PDE4D: variants seen among roughly 807,000 people sequenced by gnomAD.
PDE4D encodes the protein 3',5'-cyclic-AMP phosphodiesterase 4D.
PDE4D carries 24 observed loss-of-function variants against 87.4 expected under a neutral mutation model. The ratio of observed to expected loss-of-function variants is 0.27; its 90% confidence interval spans 0.20 to 0.39. PDE4D has a LOEUF of 0.39. Ranked by LOEUF, PDE4D falls within the 10% of genes least tolerant of loss-of-function variation. The probability of loss-of-function intolerance (pLI) is 1.00; values close to 1 mark genes in which losing one functional copy is unlikely to be tolerated. For synonymous variants in PDE4D, 384 were observed against 383.2 expected, an observed-to-expected ratio of 1.00 and a Z score of -0.02; for missense variants, 714 against 1,041.0, an observed-to-expected ratio of 0.69 and a Z score of 4.32.
chr5:59,325,348 G>A (rs7443333), intron 1 of PDE4D, among the ~76,000 whole-genome samples: 23,887 of 152,188 alleles, frequency 0.16, 2,477 homozygotes, highest in Admixed American at 0.22. Context: ...GAACAATGCA[G>A]TAGTATCTTT....
chr5:60,279,628 G>C (rs1334282828), intron 1 of PDE4D, among the ~76,000 whole-genome samples: 1 of 150,624 alleles, frequency 6.6e-6, no homozygotes, highest in Non-Finnish European at 1.5e-5. Context: ...GCATGCTTTT[G>C]TTAAGAATGT....
At chr5:59,720,084 T>C (rs1238992979) in intron 1 of PDE4D, among the ~76,000 whole-genome samples, 1 of 152,216 alleles carries the variant, frequency 6.6e-6, no homozygotes, top group Non-Finnish European at 1.5e-5. Context: ...CTGTCACACA[T>C]TCATTCATTT....
At chr5:59,940,502 A>G (rs1199326605) in intron 3 of PDE4D, among the ~76,000 whole-genome samples, 2 of 152,140 alleles carry the variant, frequency 1.3e-5, no homozygotes, top group Non-Finnish European at 2.9e-5. Context: ...GGTTTTCAAT[A>G]TGATGGGGTG....
chr5:59,847,870 A>G (rs1744094957), intron 1 of PDE4D, among the ~76,000 whole-genome samples: 1 of 152,108 alleles, frequency 6.6e-6, no homozygotes, highest in South Asian at 2.1e-4. Flanking sequence ...TACTATTTTG[A>G]GCTTCTCAGC....
intron 1 of PDE4D, among the ~76,000 whole-genome samples, chr5:59,539,364 A>G (rs1478191804): frequency 6.6e-6 from 1 of 152,156 alleles, no homozygotes; most frequent in Admixed American, 6.5e-5. Flanking sequence ...TCCCTGCAAT[A>G]CAGTTTCACC....
chr5:60,283,000 T>A lies in PDE4D; in HGVS notation c.-89-97313A>T, dbSNP rs145878073. On this transcript the variant is annotated intron_variant, in intron 1 of 16. Coordinates refer to the PDE4D transcript ENST00000502484. ...GAATGTATATTCTGCTGTTGTTGGG[T>A]GGAGTGTTCTAAAATGTTGATGCAG... 6.6e-3 allele frequency among the ~76,000 whole-genome samples: 1,009 copies of A among 152,272 alleles called. 7 individuals carry two copies. The highest frequency in any genetic ancestry group is 0.023 in the African/African-American group (973 of 41,550).
intron 2 of PDE4D, among the ~76,000 whole-genome samples, chr5:60,184,111 A>G (rs1329240658): frequency 2.0e-5 from 3 of 152,206 alleles, no homozygotes; most frequent in Non-Finnish European, 2.9e-5. Context: ...GAAGTCTCCT[A>G]GCATCATTAA....
chr5:60,377,040 C>T (rs77669488), intron 1 of PDE4D, among the ~76,000 whole-genome samples: 2,019 of 152,320 alleles, frequency 0.013, 27 homozygotes, highest in Non-Finnish European at 0.019. Context: ...AGGACAGTGT[C>T]TATTTTGTTA....
At chr5:60,406,083 A>G (rs1281985008) in intron 1 of PDE4D, among the ~76,000 whole-genome samples, 1 of 151,862 alleles carries the variant, frequency 6.6e-6, no homozygotes, top group African/African-American at 2.4e-5. Flanking sequence ...CATTCTCATC[A>G]TTGGAAAAAA....
intron 1 of PDE4D, among the ~76,000 whole-genome samples, chr5:59,730,165 G>A (rs917333813): frequency 2.4e-4 from 36 of 151,970 alleles, no homozygotes; most frequent in African/African-American, 7.7e-4. Flanking sequence ...GTTCCAAGCC[G>A]GAAAACTTCA....
intron 5 of PDE4D, among the ~76,000 whole-genome samples, chr5:59,046,403 TGAGAGA>T (rs752886348): frequency 3.5e-5 from 5 of 143,596 alleles, no homozygotes. Flanking sequence ...CATGAAAGAG[TGAGAGA>T]GAGAGAGAGA....
chr5:59,645,932 A>T (rs1026440578), intron 1 of PDE4D, among the ~76,000 whole-genome samples: 5 of 152,224 alleles, frequency 3.3e-5, no homozygotes, highest in African/African-American at 2.4e-5. Flanking sequence ...TAGAGAAAAG[A>T]CTGCATTATC....
At chr5:60,156,664 A>G (rs940525859) in intron 2 of PDE4D, among the ~76,000 whole-genome samples, 1 of 152,184 alleles carries the variant, frequency 6.6e-6, no homozygotes, top group Non-Finnish European at 1.5e-5. Context: ...ATAGAGAAGT[A>G]TAAAACAAAA....
At chr5:60,185,826 A>G in intron 1 of PDE4D, 1 of 332,444 alleles carries the variant, frequency 3.0e-6, no homozygotes, top group Non-Finnish European at 5.5e-6. Flanking sequence ...AAAGCAATAA[A>G]AAAGTATACA....
At chr5:59,777,021 A>G (rs970594660) in intron 1 of PDE4D, among the ~76,000 whole-genome samples, 2 of 152,234 alleles carry the variant, frequency 1.3e-5, no homozygotes, top group Admixed American at 6.5e-5. Context: ...ATCCTCCAGC[A>G]TGTCCAGAGA....
At chr5:59,288,777 T>C (rs945343851) in intron 1 of PDE4D, among the ~76,000 whole-genome samples, 10 of 152,010 alleles carry the variant, frequency 6.6e-5, no homozygotes, top group Non-Finnish European at 1.3e-4. Context: ...GGAAACCTTA[T>C]AGGGCAGGAG....
chr5:59,180,585 T>C lies in PDE4D; in HGVS notation c.808+10A>G. 1 of 1,611,884 alleles carries C rather than the reference T, an allele frequency of 6.2e-7. No individual in the cohort carries two copies. The highest frequency in any genetic ancestry group is 8.5e-7 in the Non-Finnish European group (1 of 1,178,480). On this transcript the variant is annotated intron_variant, in intron 5 of 14. Transcript: ENST00000340635. The stretch of plus-strand genomic sequence containing the variant: ...AGACACATGAAGAATAAGCTCCAGA[T>C]CTTTCTTACCTGTTATGGTGGCTTT...
intron 5 of PDE4D, among the ~76,000 whole-genome samples, chr5:59,075,055 A>G (rs1169277886): frequency 1.3e-5 from 2 of 149,594 alleles, no homozygotes; most frequent in East Asian, 4.0e-4. Context: ...CTTTGTTGAG[A>G]AGGAGTAAAA....
intron 1 of PDE4D, among the ~76,000 whole-genome samples, chr5:60,419,773 T>A (rs1401622113): frequency 6.6e-6 from 1 of 152,092 alleles, no homozygotes; most frequent in Non-Finnish European, 1.5e-5. Flanking sequence ...CAAAACTAAG[T>A]AAAATATATG....
Sources: allele counts gnomAD v4.1 joint callset (sites outside exome capture counted in the v4.1 genomes callset), GRCh38; gene constraint gnomAD v4.1.1; transcripts MANE v1.5; gene names NCBI Gene and HGNC (gene_info 2026-07-23, HGNC 2026-07-21).